The following RGS12 variants were observed in gnomAD, a reference collection of about 807,000 sequenced individuals.
RGS12 encodes regulator of G-protein signaling 12.
A neutral mutation model predicts 120.1 loss-of-function variants in RGS12; 66 were observed. That is an observed-to-expected ratio of 0.55 (90% CI 0.45 to 0.67). The LOEUF (loss-of-function observed/expected upper bound fraction) is 0.67, where lower values mean the gene tolerates loss of function less well. RGS12 is among the 30% of genes least tolerant of loss of function. RGS12 has a pLI of 0.00. For missense variants in RGS12, 1,859 were observed against 1,957.7 expected (o/e 0.95, Z 0.95); for synonymous variants, 827 against 804.7 (o/e 1.03, Z -0.47).
At chr4:3,371,118 T>C (rs1219375585) in intron 3 of RGS12, among the ~76,000 whole-genome samples, 2 of 152,200 alleles carry the variant, frequency 1.3e-5, no homozygotes, top group African/African-American at 4.8e-5. Context: ...ATGAGCCGCG[T>C]CCTTCCTTTT....
chr4:3,353,720 G>T (rs927648578), intron 3 of RGS12, among the ~76,000 whole-genome samples: 5 of 152,066 alleles, frequency 3.3e-5, no homozygotes, highest in Non-Finnish European at 7.4e-5. Context: ...TATATATTTG[G>T]GAACTAGGGA....
intron 1 of RGS12, chr4:3,313,100 T>TA (rs2110391855): frequency 6.6e-6 from 1 of 152,350 alleles, no homozygotes; most frequent in East Asian, 1.9e-4. Context: ...AGATATTACT[T>TA]ACATGAGTTA....
At chr4:3,286,132 C>T in the RGS12 span, among the ~76,000 whole-genome samples, 1 of 152,246 alleles carries the variant, frequency 6.6e-6, no homozygotes, top group Non-Finnish European at 1.5e-5. Context: ...ATTCGTGAGG[C>T]CACCACAGGG....
intron 3 of RGS12, among the ~76,000 whole-genome samples, chr4:3,371,027 T>C (rs1716924344): frequency 1.3e-5 from 2 of 152,228 alleles, no homozygotes; most frequent in African/African-American, 4.8e-5. Context: ...TTCTAATATC[T>C]AATTAAAGTC....
At chr4:3,386,577 A>G (rs1448756544) in intron 4 of RGS12, 140 bp downstream of exon 4, 14 of 730,844 alleles carry the variant, frequency 1.9e-5, no homozygotes, top group Non-Finnish European at 3.2e-5. Context: ...GTTCTAGGTG[A>G]GTTAATTCTG....
At chr4:3,335,953 ATGGTGGTG>A (rs1199333762) in intron 2 of RGS12, among the ~76,000 whole-genome samples, 3 of 152,026 alleles carry the variant, frequency 2.0e-5, no homozygotes, top group Admixed American at 6.5e-5. Context: ...TTATCCGGGC[ATGGTGGTG>A]CGTGCCTGTA....
chr4:3,397,187 G>A (rs1251514507), intron 4 of RGS12, among the ~76,000 whole-genome samples: 7 of 152,230 alleles, frequency 4.6e-5, no homozygotes, highest in African/African-American at 1.7e-4. Flanking sequence ...ACAAGACCTT[G>A]CAAGGACTTG....
chr4:3,371,082 G>T (rs1333124513), intron 3 of RGS12, among the ~76,000 whole-genome samples: 1 of 152,182 alleles, frequency 6.6e-6, no homozygotes, highest in African/African-American at 2.4e-5. Context: ...AGAGATGAGG[G>T]GCATGGAGGG....
Position 3,374,907 on chromosome 4 carries a change from AT to A in RGS12, c.1999-11508del, listed in dbSNP as rs1717471975. On this transcript the variant is annotated intron_variant, in intron 3 of 17. Transcript: ENST00000336727. The surrounding 1 kb of genome is among the most constrained non-coding windows in gnomAD (Gnocchi z 6.3). Reference sequence around the variant, plus strand: ...GCAGGGCTGCCAGTTTGGGGTTTGCATGTTGATTTTGTACATCCAGCATCTC... The same window carrying A: ...GCAGGGCTGCCAGTTTGGGGTTTGCAGTTGATTTTGTACATCCAGCATCTC... 6.6e-6 allele frequency among the ~76,000 whole-genome samples: 1 copy of A among 151,968 alleles called. No individual in the cohort carries two copies. Among genetic ancestry groups the A allele is most frequent in the Non-Finnish European group, 1.5e-5 (1 of 67,988 alleles).
chr4:3,375,869 G>A (rs919534093), intron 3 of RGS12, among the ~76,000 whole-genome samples: 3 of 152,322 alleles, frequency 2.0e-5, no homozygotes, highest in African/African-American at 4.8e-5. Context: ...CTTTCCTTGC[G>A]GGGGGTTGGC....
chr4:3,428,853 G>A (rs754111111), intron 16 of RGS12, 142 bp downstream of exon 16: 40 of 719,750 alleles, frequency 5.6e-5, no homozygotes, highest in Non-Finnish European at 8.4e-5. Flanking sequence ...TTCTCCCGGG[G>A]GCAGTCTGTG....
intron 1 of RGS12, among the ~76,000 whole-genome samples, chr4:3,294,006 A>C (rs28436974): frequency 0.019 from 391 of 20,084 alleles, no homozygotes; most frequent in African/African-American, 0.14. Flanking sequence ...GGGGGCCCAG[A>C]GCCGTGGAGT....
intron 9 of RGS12, chr4:3,420,369 T>G: frequency 5.6e-6 from 3 of 532,680 alleles, no homozygotes; most frequent in Non-Finnish European, 6.8e-6. Context: ...CCAAGCATGT[T>G]TTGGAGCCAG....
chr4:3,422,342 T>A (rs1723105765), intron 10 of RGS12, 34 bp from the exon 11 acceptor site: 1 of 1,582,228 alleles, frequency 6.3e-7, no homozygotes, highest in Non-Finnish European at 8.6e-7. Context: ...GTGACGCTGG[T>A]TCCCTCACGG....
In RGS12 at chr4:3,411,366, C is replaced by T. The variant is rs550092393; in HGVS notation, c.2021-2706C>T. ...TTAGGCCTGTCTGGCTCTGCGTGTT[C>T]GGGATTGTGGTCTGTGTGTGTTCTC... On this transcript the variant is annotated intron_variant, in intron 4 of 17. Transcript: ENST00000336727. Among the ~76,000 whole-genome samples, 223 of 151,606 alleles carry T rather than the reference C, an allele frequency of 1.5e-3. 2 individuals are homozygous for T. Among genetic ancestry groups the T allele is most frequent in the African/African-American group, 4.2e-3 (173 of 41,298 alleles).
At chr4:3,356,052 T>A (rs1355317431) in intron 3 of RGS12, among the ~76,000 whole-genome samples, 2 of 28,698 alleles carry the variant, frequency 7.0e-5, no homozygotes, top group Non-Finnish European at 1.2e-4. Flanking sequence ...CTTTTTCAAT[T>A]TTTTTTTTTT....
chr4:3,437,627 T>C (rs1205701609), intron 17 of RGS12, among the ~76,000 whole-genome samples: 1 of 152,130 alleles, frequency 6.6e-6, no homozygotes, highest in Non-Finnish European at 1.5e-5. Flanking sequence ...CAGAACCTAG[T>C]AGGACACTTG....
intron 3 of RGS12, among the ~76,000 whole-genome samples, chr4:3,381,154 C>G (rs896475426): frequency 6.6e-6 from 1 of 151,376 alleles, no homozygotes; most frequent in African/African-American, 2.5e-5. Context: ...GCAGGAGTGA[C>G]CATTACTCTA....
chr4:3,336,319 A>C (rs149279842), intron 2 of RGS12, among the ~76,000 whole-genome samples: 1 of 152,240 alleles, frequency 6.6e-6, no homozygotes, highest in African/African-American at 2.4e-5. Context: ...CCATCCCTCA[A>C]TACCAAGCTA....
Sources: gnomAD v4.1 joint callset for allele counts (sites outside exome capture counted in the v4.1 genomes callset) on GRCh38, gnomAD v4.1.1 for gene constraint, Gnocchi (gnomAD v3.1) non-coding constraint, MANE v1.5 for transcripts, NCBI Gene and HGNC (gene_info 2026-07-23, HGNC 2026-07-21) for gene names.